The following ZFAND3 variants were observed in gnomAD, a reference collection of about 807,000 sequenced individuals.
The protein encoded by ZFAND3 is zinc finger AN1-type containing 3.
In ZFAND3, 10 loss-of-function variants were observed where a neutral mutation model predicts 29.6. The observed-to-expected ratio is 0.34, with a 90% CI of 0.21 to 0.57. The LOEUF is 0.57. Among genes scored for constraint, ZFAND3 ranks in the 20% least tolerant of loss-of-function variants. The pLI is 0.86. For missense variants in ZFAND3, 230 were observed against 304.5 expected, an observed-to-expected ratio of 0.76 and a Z score of 1.82; for synonymous variants, 128 against 112.6, an observed-to-expected ratio of 1.14 and a Z score of -0.87.
intron 5 of ZFAND3, among the ~76,000 whole-genome samples, chr6:38,125,707 A>C (rs1765621498): frequency 6.6e-6 from 1 of 152,316 alleles, no homozygotes; most frequent in Non-Finnish European, 1.5e-5. Flanking sequence ...TGCTTAGAAT[A>C]CCTTTTTTTA....
intron 3 of ZFAND3, among the ~76,000 whole-genome samples, chr6:38,075,181 A>G (rs1180770843): frequency 6.6e-6 from 1 of 152,204 alleles, no homozygotes. Context: ...ACTACATTTT[A>G]CAAGGCTATA....
In ZFAND3 at chr6:38,154,521, T is replaced by C. The variant is rs1036554781; in HGVS notation, c.*2132T>C. On this transcript the variant is annotated 3_prime_UTR_variant, in exon 6 of 6. Coordinates refer to ENST00000287218, the MANE Select transcript of ZFAND3 (RefSeq NM_021943.3). ...TCTAGATTTACTTACACACATAGCC[T>C]AGAGCTCAGTTTTAGTTTTAACATT... 4 of 980,324 alleles carry C rather than the reference T, an allele frequency of 4.1e-6. No homozygotes were observed. The highest frequency in any genetic ancestry group is 1.8e-5 in the African/African-American group (1 of 57,110). 60.7% of individuals were successfully genotyped at this position (980,324 alleles called of 1,614,324 possible).
At chr6:37,993,713 T>C (rs1252633675) in intron 2 of ZFAND3, among the ~76,000 whole-genome samples, 1 of 152,244 alleles carries the variant, frequency 6.6e-6, no homozygotes, top group Non-Finnish European at 1.5e-5. Context: ...TGTGCACGTG[T>C]CATTTCCTTT....
intron 5 of ZFAND3, among the ~76,000 whole-genome samples, chr6:38,119,780 A>G (rs932439152): frequency 6.6e-6 from 1 of 152,214 alleles, no homozygotes; most frequent in African/African-American, 2.4e-5. Flanking sequence ...GAGAGCACAC[A>G]CAGACACATT....
intron 1 of ZFAND3, among the ~76,000 whole-genome samples, chr6:37,837,334 T>A (rs12662426): frequency 0.22 from 33,181 of 152,058 alleles, 4,517 homozygotes; most frequent in African/African-American, 0.38. Flanking sequence ...GTCAAGTAGT[T>A]TTTTTCAGAT....
chr6:37,974,810 G>A (rs1298144575), intron 2 of ZFAND3, among the ~76,000 whole-genome samples: 3 of 152,188 alleles, frequency 2.0e-5, no homozygotes, highest in South Asian at 2.1e-4. Context: ...ATTCCATTAT[G>A]TGGGTAGTAC....
intron 4 of ZFAND3, 67 bp downstream of exon 4, chr6:38,082,524 C>A: frequency 6.7e-7 from 1 of 1,486,712 alleles, no homozygotes; most frequent in Non-Finnish European, 9.3e-7. Context: ...GCAACTGGTT[C>A]TAACTTGGTG....
chr6:37,993,981 G>A (rs1444328046), intron 2 of ZFAND3, among the ~76,000 whole-genome samples: 1 of 151,966 alleles, frequency 6.6e-6, no homozygotes, highest in Non-Finnish European at 1.5e-5. Context: ...AATCGTTATC[G>A]AACTACCATT....
chr6:37,926,643 A>T (rs1761489823), intron 1 of ZFAND3, among the ~76,000 whole-genome samples: 1 of 152,138 alleles, frequency 6.6e-6, no homozygotes, highest in African/African-American at 2.4e-5. Context: ...CGGGATTAAG[A>T]CTTGATATCT....
Position 38,154,335 on chromosome 6 carries a change from G to T in ZFAND3, c.*1946G>T, listed in dbSNP as rs1766305260. The T allele has an allele frequency of 2.0e-6, 2 of 984,892 alleles. No individual in the cohort carries two copies. Among genetic ancestry groups the T allele is most frequent in the Admixed American group, 6.2e-5 (1 of 16,246 alleles). The allele number at this position is 984,892 out of a possible 1,614,324, so 61.0% of individuals were successfully genotyped here. A position where few individuals can be genotyped will look rare whatever the true frequency, so the allele number is the denominator to read the frequency against. On this transcript the variant is annotated 3_prime_UTR_variant, in exon 6 of 6. Transcript: ENST00000287218. ...GGAAGGAGCCCAGGGGAGCTGGCCT[G>T]GGGGAGCGAAGCCCATGTTCGCTTC...
At chr6:37,898,111 T>C (rs1305362402) in intron 1 of ZFAND3, among the ~76,000 whole-genome samples, 1 of 152,218 alleles carries the variant, frequency 6.6e-6, no homozygotes, top group Non-Finnish European at 1.5e-5. Context: ...TATCTTTTCC[T>C]ATTACAGAGT....
At chr6:37,918,572 T>C (rs1247456429) in intron 1 of ZFAND3, among the ~76,000 whole-genome samples, 1 of 152,218 alleles carries the variant, frequency 6.6e-6, no homozygotes, top group African/African-American at 2.4e-5. Flanking sequence ...TTTTCATCTT[T>C]CATTAAAATT....
chr6:37,926,273 A>T (rs1016764915), intron 1 of ZFAND3, among the ~76,000 whole-genome samples: 11 of 152,228 alleles, frequency 7.2e-5, no homozygotes, highest in African/African-American at 2.7e-4. Flanking sequence ...TTGGTGACAG[A>T]ATAATAGAAA....
At chr6:38,033,008 A>G (rs993090602) in intron 2 of ZFAND3, among the ~76,000 whole-genome samples, 2 of 152,168 alleles carry the variant, frequency 1.3e-5, no homozygotes, top group Non-Finnish European at 2.9e-5. Context: ...AGGCTGTCAT[A>G]GTTACTTTGT....
At chr6:38,092,428 A>C (rs1056861679) in intron 4 of ZFAND3, among the ~76,000 whole-genome samples, 3 of 152,256 alleles carry the variant, frequency 2.0e-5, no homozygotes, top group Admixed American at 1.3e-4. Flanking sequence ...CAAGAGATGT[A>C]ACTTATGTTT....
chr6:38,016,842 T>A (rs1763260118), intron 2 of ZFAND3, among the ~76,000 whole-genome samples: 1 of 152,176 alleles, frequency 6.6e-6, no homozygotes, highest in South Asian at 2.1e-4. Context: ...GAGAGCTGTC[T>A]TAGGGATCTC....
At chr6:38,116,476 G>A (rs987202506) in intron 4 of ZFAND3, 96 bp from the exon 5 acceptor site, 3 of 1,414,928 alleles carry the variant, frequency 2.1e-6, no homozygotes, top group African/African-American at 2.9e-5. Context: ...GACAAGGGCA[G>A]TAGCCTGGTC....
intron 2 of ZFAND3, among the ~76,000 whole-genome samples, chr6:37,991,816 G>T (rs1762763918): frequency 6.6e-6 from 1 of 152,080 alleles, no homozygotes; most frequent in Non-Finnish European, 1.5e-5. Flanking sequence ...ATATTTTTCA[G>T]TGATTGTTTT....
rs140502133 is a variant in ZFAND3 at position 37,883,126 on chromosome 6, A to G, written c.72-46833A>G. On this transcript the variant is annotated intron_variant, in intron 1 of 5. Transcript: ENST00000287218. Reference sequence around the variant, plus strand: ...TAGTCCTAGCCACTTGGGAGGCTACATTGGGAAGATCCCTTGAGCCCAGGA... The same window carrying G: ...TAGTCCTAGCCACTTGGGAGGCTACGTTGGGAAGATCCCTTGAGCCCAGGA... 5.7e-3 allele frequency among the ~76,000 whole-genome samples: 868 copies of G among 152,294 alleles called. 8 individuals carry two copies. The highest frequency in any genetic ancestry group is 0.02 in the African/African-American group (831 of 41,556).
Sources: allele counts gnomAD v4.1 joint callset (sites outside exome capture counted in the v4.1 genomes callset), GRCh38; gene constraint gnomAD v4.1.1; transcripts MANE v1.5; gene names NCBI Gene and HGNC (gene_info 2026-07-23, HGNC 2026-07-21).